The following CDK5RAP2 variants were observed in gnomAD, a reference collection of about 807,000 sequenced individuals.
CDK5RAP2 encodes the protein CDK5 regulatory subunit-associated protein 2.
In CDK5RAP2, 147 loss-of-function variants were observed where a neutral mutation model predicts 232.9. The ratio of observed to expected loss-of-function variants is 0.63; its 90% CI spans 0.55 to 0.72. The LOEUF (loss-of-function observed/expected upper bound fraction) is 0.72. Ranked by LOEUF, CDK5RAP2 falls within the 30% of genes least tolerant of loss-of-function variation. The probability of loss-of-function intolerance (pLI) is 0.00; values close to 1 mark genes in which losing one functional copy is unlikely to be tolerated. For missense variants in CDK5RAP2, 2,195 were observed against 2,231.5 expected (o/e 0.98, Z 0.33); for synonymous variants, 833 against 833.7 (o/e 1.00, Z 0.01).
intron 12 of CDK5RAP2, among the ~76,000 whole-genome samples, chr9:120,508,929 C>G (rs2039951594): frequency 6.6e-6 from 1 of 152,160 alleles, no homozygotes; most frequent in African/African-American, 2.4e-5. Flanking sequence ...TCCTGTACTC[C>G]TAGTGCCCAG....
At chr9:120,535,294 T>A (rs535271660) in intron 7 of CDK5RAP2, among the ~76,000 whole-genome samples, 4 of 152,240 alleles carry the variant, frequency 2.6e-5, no homozygotes, top group African/African-American at 9.6e-5. Context: ...GATAATCCTA[T>A]CCCAAAGATT....
chr9:120,389,342 C>T (rs775070230), intron 37 of CDK5RAP2, 50 bp from the exon 38 acceptor site: 2 of 1,472,416 alleles, frequency 1.4e-6, no homozygotes, highest in Admixed American at 3.5e-5. Context: ...AAGGAGGTTT[C>T]TGAAGTAAGA....
At chr9:120,577,555 T>TA (rs2043082523) in intron 1 of CDK5RAP2, among the ~76,000 whole-genome samples, 1 of 152,126 alleles carries the variant, frequency 6.6e-6, no homozygotes, top group African/African-American at 2.4e-5. Context: ...AACCATGCTT[T>TA]AAAATGGTTA....
chr9:120,545,598 T>C (rs1045876805), intron 5 of CDK5RAP2, 116 bp downstream of exon 5: 1 of 814,482 alleles, frequency 1.2e-6, no homozygotes, highest in Non-Finnish European at 2.2e-6. Flanking sequence ...AAAAACCTCC[T>C]TGCAGTCCTC....
intron 21 of CDK5RAP2, among the ~76,000 whole-genome samples, chr9:120,452,671 T>A (rs2036542050): frequency 6.6e-6 from 1 of 151,320 alleles, no homozygotes; most frequent in Admixed American, 6.6e-5. Flanking sequence ...TTTAACAATC[T>A]GGCATACTTG....
At position 120,439,967 on chromosome 9, in the gene CDK5RAP2, C is replaced by T; in HGVS notation, c.3154G>A (p.Glu1052Lys). ...GCAAGGTCATCAGGTGGGCAAATCT[C>T]AGAGTCTGAAAATCAAATACACTTA... ...DQQRSYEIDS[E>K]ICPPDDLASL... The change falls in exon 24 of 38, where the codon GAG (glutamate) becomes AAG (lysine). Residue 1052 changes from glutamate to lysine, a missense_variant. Transcript: ENST00000349780. 1 of 1,613,432 alleles carries T rather than the reference C, an allele frequency of 6.2e-7. No individual in the cohort carries two copies. Among genetic ancestry groups the T allele is most frequent in the Non-Finnish European group, 8.5e-7 (1 of 1,179,852 alleles).
At chr9:120,562,615 A>C (rs762825393) in intron 3 of CDK5RAP2, among the ~76,000 whole-genome samples, 9 of 151,486 alleles carry the variant, frequency 5.9e-5, no homozygotes, top group Non-Finnish European at 1.3e-4. Context: ...TTCTAAGTTC[A>C]CCCTCATTCT....
intron 28 of CDK5RAP2, among the ~76,000 whole-genome samples, chr9:120,413,998 G>A (rs1043480094): frequency 2.0e-5 from 3 of 152,254 alleles, no homozygotes; most frequent in African/African-American, 7.2e-5. Context: ...CTCGGGTGCT[G>A]CTGCCATGGG....
At chr9:120,467,535 T>A (rs529344869) in intron 18 of CDK5RAP2, among the ~76,000 whole-genome samples, 1 of 152,306 alleles carries the variant, frequency 6.6e-6, no homozygotes, top group East Asian at 1.9e-4. Context: ...TTGAAAAACC[T>A]TTCGGGTTGT....
chr9:120,524,950 C>A (rs2040833847), intron 11 of CDK5RAP2, 36 bp downstream of exon 11: 1 of 1,489,574 alleles, frequency 6.7e-7, no homozygotes, highest in South Asian at 1.1e-5. Flanking sequence ...GGGTCAGGAT[C>A]AAAGAGACAG....
At chr9:120,394,176 G>A (rs1160333554) in intron 36 of CDK5RAP2, among the ~76,000 whole-genome samples, 1 of 152,152 alleles carries the variant, frequency 6.6e-6, no homozygotes, top group Admixed American at 6.5e-5. Flanking sequence ...TCAGCGAGGT[G>A]GTCACTTTGT....
chr9:120,474,067 T>C (rs996741009), intron 15 of CDK5RAP2, among the ~76,000 whole-genome samples: 15 of 152,174 alleles, frequency 9.9e-5, no homozygotes, highest in African/African-American at 2.9e-4. Flanking sequence ...CCACCACTAC[T>C]GGGCAAGCCA....
chr9:120,576,009 C>G (rs1013508582), intron 1 of CDK5RAP2, among the ~76,000 whole-genome samples: 1 of 152,200 alleles, frequency 6.6e-6, no homozygotes, highest in African/African-American at 2.4e-5. Flanking sequence ...TATTATTACC[C>G]TTCATCCTTG....
At chr9:120,455,888 C>T (rs954412276) in intron 20 of CDK5RAP2, among the ~76,000 whole-genome samples, 4 of 152,068 alleles carry the variant, frequency 2.6e-5, no homozygotes, top group South Asian at 2.1e-4. Context: ...GTGTAAGGTA[C>T]ACTATAGGGC....
chr9:120,504,762 A>T (rs530115949), intron 12 of CDK5RAP2, among the ~76,000 whole-genome samples: 1 of 152,278 alleles, frequency 6.6e-6, no homozygotes, highest in South Asian at 2.1e-4. Flanking sequence ...AGTCCCCTTC[A>T]TCCAACCACT....
rs1286986006 is a variant in CDK5RAP2 at position 120,550,886 on chromosome 9, T to C, written c.212A>G (p.Lys71Arg). ...GAGCTTTAGGTTAAAGTTTTCTTTCTTCAATTCAGTGATTTGCTGAAAAAT... is the reference window on the plus strand; with the variant it reads ...GAGCTTTAGGTTAAAGTTTTCTTTCCTCAATTCAGTGATTTGCTGAAAAAT... ...KDFENQITEL[K>R]KENFNLKLRI... Residue 71 changes from lysine to arginine, a missense_variant, in exon 4 of 38, where the codon AAG becomes AGG. Transcript: ENST00000349780. 1.9e-6 allele frequency: 3 copies of C among 1,608,074 alleles called. No homozygotes were observed. Among genetic ancestry groups the C allele is most frequent in the South Asian group, 2.2e-5 (2 of 90,946 alleles).
chr9:120,570,608 G>A (rs945134949), intron 2 of CDK5RAP2, among the ~76,000 whole-genome samples: 31 of 152,252 alleles, frequency 2.0e-4, no homozygotes, highest in South Asian at 6.2e-4. Context: ...GGGAGGCTGC[G>A]GCGGGTGGAT....
chr9:120,424,974 G>A lies in CDK5RAP2; in HGVS notation c.3956-2233C>T, dbSNP rs142071051. 7.0e-3 allele frequency among the ~76,000 whole-genome samples: 1,062 copies of A among 152,270 alleles called. 10 individuals are homozygous for A. The highest frequency in any genetic ancestry group is 0.023 in the African/African-American group (975 of 41,552). On this transcript the variant is annotated intron_variant, in intron 25 of 37. Coordinates refer to ENST00000349780, the MANE Select transcript of CDK5RAP2 (RefSeq NM_018249.6). ...GACCTCCCAAAGTGCTAGGATTACA[G>A]GCGTGAGCCACTGCACCTGGCCACA...
chr9:120,533,707 A>G (rs987907896), intron 7 of CDK5RAP2, among the ~76,000 whole-genome samples: 2 of 150,966 alleles, frequency 1.3e-5, no homozygotes, highest in African/African-American at 4.9e-5. Flanking sequence ...CTGAGGTAAG[A>G]GAATCACCTG....
Sources: gnomAD v4.1 joint callset for allele counts (sites outside exome capture counted in the v4.1 genomes callset) on GRCh38, gnomAD v4.1.1 for gene constraint, MANE v1.5 for transcripts, NCBI Gene and HGNC (gene_info 2026-07-23, HGNC 2026-07-21) for gene names.